The following DLGAP2 variants were observed in gnomAD, a reference collection of about 807,000 sequenced individuals.
DLGAP2 encodes the protein disks large-associated protein 2.
In DLGAP2, 26 loss-of-function variants were observed where a neutral mutation model predicts 100.3. The observed-to-expected ratio is 0.26, with a 90% CI of 0.19 to 0.36. The LOEUF (loss-of-function observed/expected upper bound fraction) is 0.36. Ranked by LOEUF, DLGAP2 falls within the 10% of genes least tolerant of loss-of-function variation. The pLI is 1.00. For synonymous variants in DLGAP2, 886 were observed against 630.1 expected (o/e 1.41, Z -6.08); for missense variants, 1,858 against 1,453.2 (o/e 1.28, Z -4.53).
intron 3 of DLGAP2, among the ~76,000 whole-genome samples, chr8:1,270,006 G>C (rs551966459): frequency 1.3e-5 from 2 of 152,174 alleles, no homozygotes; most frequent in African/African-American, 2.4e-5. Flanking sequence ...TCCTGGGCGG[G>C]GAGCATTTTC....
At chr8:1,079,206 G>A (rs977560518) in intron 2 of DLGAP2, among the ~76,000 whole-genome samples, 14 of 152,046 alleles carry the variant, frequency 9.2e-5, no homozygotes, top group African/African-American at 3.4e-4. Context: ...TCCTTGGTGA[G>A]GTGTCTCTTC....
At chr8:867,354 C>G (rs1020379280) in intron 1 of DLGAP2, among the ~76,000 whole-genome samples, 22 of 152,226 alleles carry the variant, frequency 1.4e-4, no homozygotes, top group African/African-American at 5.1e-4. Context: ...AAAAATAAAC[C>G]CTTTAAGCTG....
chr8:1,490,983 C>T (rs1012576203), intron 3 of DLGAP2, among the ~76,000 whole-genome samples: 1 of 145,830 alleles, frequency 6.9e-6, no homozygotes, highest in African/African-American at 2.5e-5. Context: ...ATGTAACAAA[C>T]CTGCACATTG....
chr8:1,266,002 A>G (rs1799442957), intron 3 of DLGAP2, among the ~76,000 whole-genome samples: 1 of 152,234 alleles, frequency 6.6e-6, no homozygotes, highest in South Asian at 2.1e-4. Flanking sequence ...AATAGATTCA[A>G]GATATGCAAA....
At chr8:1,694,261 G>C (rs1799323393) in intron 13 of DLGAP2, among the ~76,000 whole-genome samples, 3 of 152,298 alleles carry the variant, frequency 2.0e-5, no homozygotes, top group African/African-American at 7.2e-5. Context: ...GGCCTGGCAG[G>C]AGAGGAGTGT....
At chr8:869,785 T>C (rs376467550) in intron 1 of DLGAP2, among the ~76,000 whole-genome samples, 1 of 152,150 alleles carries the variant, frequency 6.6e-6, no homozygotes, top group East Asian at 1.9e-4. Context: ...AGAAGCTGGA[T>C]GTGGTGGTTT....
At chr8:1,279,261 A>T (rs984220554) in intron 3 of DLGAP2, among the ~76,000 whole-genome samples, 2 of 152,204 alleles carry the variant, frequency 1.3e-5, no homozygotes, top group Non-Finnish European at 2.9e-5. Context: ...AGGATTCGTC[A>T]GTTCTTGATT....
Position 1,472,367 on chromosome 8 carries a change from C to T in DLGAP2, c.107-28999C>T, listed in dbSNP as rs980140096. Among the ~76,000 whole-genome samples the T allele has an allele frequency of 4.6e-5, 7 of 152,280 alleles. No homozygotes were observed. The East Asian group carries it at 5.8e-4, about 13-fold the overall frequency. On this transcript the variant is annotated intron_variant, in intron 3 of 14. Coordinates refer to ENST00000637795, the MANE Select transcript of DLGAP2 (RefSeq NM_001346810.2). ...CAGGCCCTTCTGGTAAATCCCAAAGCGGGTGTGGCCCTTGCAGTTGGTTTT... is the reference window on the plus strand; with the variant it reads ...CAGGCCCTTCTGGTAAATCCCAAAGTGGGTGTGGCCCTTGCAGTTGGTTTT...
At chr8:1,063,240 A>G (rs1298040574) in intron 2 of DLGAP2, among the ~76,000 whole-genome samples, 2 of 152,230 alleles carry the variant, frequency 1.3e-5, no homozygotes, top group Non-Finnish European at 2.9e-5. Context: ...AGATTCCAAG[A>G]TTTAGCTGAC....
At chr8:1,561,252 AAATT>A (rs554742406) in intron 5 of DLGAP2, among the ~76,000 whole-genome samples, 52,607 of 151,706 alleles carry the variant, frequency 0.35, 9,624 homozygotes, top group Middle Eastern at 0.51. Flanking sequence ...TTTCCTTTAT[AAATT>A]GCCCAGTCTG....
At chr8:1,072,278 G>A (rs1349773753) in intron 2 of DLGAP2, among the ~76,000 whole-genome samples, 4 of 152,138 alleles carry the variant, frequency 2.6e-5, no homozygotes, top group South Asian at 2.1e-4. Context: ...CACTTCCATC[G>A]GGGATGGTAG....
chr8:1,252,019 C>T (rs1484466110), intron 2 of DLGAP2, among the ~76,000 whole-genome samples: 1 of 151,432 alleles, frequency 6.6e-6, no homozygotes, highest in Non-Finnish European at 1.5e-5. Flanking sequence ...GTTGTGTTGT[C>T]CTGAGTCACA....
At chr8:1,601,301 G>A (rs4876107) in intron 6 of DLGAP2, among the ~76,000 whole-genome samples, 65,600 of 151,926 alleles carry the variant, frequency 0.43, 14,264 homozygotes, top group African/African-American at 0.46. Context: ...TGTGTGATGT[G>A]TCTGTTGATC....
chr8:1,528,178 A>G (rs140611389), intron 4 of DLGAP2, among the ~76,000 whole-genome samples: 62 of 152,290 alleles, frequency 4.1e-4, no homozygotes, highest in African/African-American at 1.4e-3. Flanking sequence ...CTCCTGGGTT[A>G]CTGGGTTCCA....
intron 6 of DLGAP2, among the ~76,000 whole-genome samples, chr8:1,567,951 G>T (rs1196971729): frequency 1.3e-5 from 2 of 152,214 alleles, no homozygotes; most frequent in Non-Finnish European, 2.9e-5. Context: ...AAATGGGTGA[G>T]ATGTGCTGCC....
At chr8:895,408 C>T (rs1798125642) in intron 1 of DLGAP2, among the ~76,000 whole-genome samples, 1 of 152,288 alleles carries the variant, frequency 6.6e-6, no homozygotes, top group African/African-American at 2.4e-5. Flanking sequence ...CACAGCAGCT[C>T]TTTCCACCTC....
At chr8:918,505 G>T (rs868124415) in intron 2 of DLGAP2, among the ~76,000 whole-genome samples, 1 of 152,200 alleles carries the variant, frequency 6.6e-6, no homozygotes, top group Non-Finnish European at 1.5e-5. Context: ...AGGCACGGCT[G>T]TGTCTGTGCC....
At chr8:1,309,075 A>T (rs1019439341) in intron 3 of DLGAP2, among the ~76,000 whole-genome samples, 23 of 152,318 alleles carry the variant, frequency 1.5e-4, no homozygotes, top group Non-Finnish European at 2.4e-4. Flanking sequence ...AAGAAAAGGA[A>T]GAACAGGGAG....
chr8:1,216,950 G>A (rs938840526), intron 2 of DLGAP2, among the ~76,000 whole-genome samples: 1 of 152,166 alleles, frequency 6.6e-6, no homozygotes, highest in Non-Finnish European at 1.5e-5. Flanking sequence ...TGATGTTGCT[G>A]CTTGGTTTTT....
Sources: gnomAD v4.1 joint callset for allele counts (sites outside exome capture counted in the v4.1 genomes callset) on GRCh38, gnomAD v4.1.1 for gene constraint, MANE v1.5 for transcripts, NCBI Gene and HGNC (gene_info 2026-07-23, HGNC 2026-07-21) for gene names.